Variants in EP300 observed in about 807,000 individuals in gnomAD.
EP300 encodes EP300 lysine acetyltransferase.
EP300 carries 31 observed loss-of-function variants against 264.0 expected under a neutral mutation model. That is an observed-to-expected ratio of 0.12 (90% CI 0.09 to 0.16). EP300 has a LOEUF of 0.16. EP300 is among the 10% of genes least tolerant of loss of function. The probability of loss-of-function intolerance (pLI) is 1.00; values close to 1 mark genes in which losing one functional copy is unlikely to be tolerated. For synonymous variants in EP300, 1,340 were observed against 1,045.4 expected (o/e 1.28, Z -5.44); for missense variants, 2,766 against 3,052.9 (o/e 0.91, Z 2.21).
chr22:41,156,107 G>C (rs1601623965), intron 17 of EP300, among the ~76,000 whole-genome samples: 1 of 152,162 alleles, frequency 6.6e-6, no homozygotes, highest in Admixed American at 6.5e-5. Flanking sequence ...CCCCTCCCGG[G>C]TTCAAGCAGT....
At chr22:41,106,034 T>C (rs1383184984) in intron 1 of EP300, among the ~76,000 whole-genome samples, 1 of 152,268 alleles carries the variant, frequency 6.6e-6, no homozygotes, top group African/African-American at 2.4e-5. Context: ...GAAATGTTTG[T>C]ACATCTTTAT....
chr22:41,158,760 G>T (rs1045912685), intron 19 of EP300: 18 of 467,020 alleles, frequency 3.9e-5, no homozygotes, highest in Admixed American at 1.4e-4. Flanking sequence ...GGCCTAGATG[G>T]GTCTATATCC....
At chr22:41,134,591 C>T (rs1472539733) in intron 6 of EP300, among the ~76,000 whole-genome samples, 1 of 152,178 alleles carries the variant, frequency 6.6e-6, no homozygotes, top group African/African-American at 2.4e-5. Flanking sequence ...GACAGGGTTT[C>T]GCCATGTGGC....
At chr22:41,160,942 T>C (rs997970918) in intron 20 of EP300, among the ~76,000 whole-genome samples, 1 of 152,158 alleles carries the variant, frequency 6.6e-6, no homozygotes, top group African/African-American at 2.4e-5. Flanking sequence ...GGCTACCATA[T>C]TGGTCAACAC....
intron 9 of EP300, among the ~76,000 whole-genome samples, 191 bp downstream of exon 9, chr22:41,140,448 T>A (rs17002308): frequency 1.3e-5 from 2 of 152,146 alleles, no homozygotes; most frequent in Non-Finnish European, 2.9e-5. Flanking sequence ...AAGAATCTTA[T>A]GTTTTTCCTC....
intron 1 of EP300, among the ~76,000 whole-genome samples, chr22:41,110,200 G>A (rs1053229175): frequency 1.5e-5 from 2 of 136,548 alleles, no homozygotes; most frequent in Non-Finnish European, 3.0e-5. Flanking sequence ...GGATCATAGC[G>A]CACTGCAGCC....
rs1199213594 is a variant in EP300, at chr22:41,166,654, T to C, written c.3862T>C (p.Phe1288Leu). 2 of 1,611,608 alleles carry C rather than the reference T, an allele frequency of 1.2e-6. No homozygotes were observed. The highest frequency in any genetic ancestry group is 2.7e-5 in the African/African-American group (2 of 74,878). The change falls in exon 23 of 31, where the codon TTT becomes CTT. Residue 1288 changes from phenylalanine (F) to leucine (L), a missense_variant. By Grantham distance (22) the Phe-to-Leu change is conservative (BLOSUM62 0). Coordinates refer to ENST00000263253, the MANE Select transcript of EP300 (RefSeq NM_001429.4). ...TGCACGAACTAGGAAAGAAAATAAGTTTTCTGCTAAAAGTAAGTTTTATTC... is the reference window on the plus strand; with the variant it reads ...TGCACGAACTAGGAAAGAAAATAAGCTTTCTGCTAAAAGTAAGTTTTATTC... ...KSARTRKENK[F>L]SAKRLPSTRL...
chr22:41,113,192 G>T (rs2058803575), intron 1 of EP300, among the ~76,000 whole-genome samples: 1 of 136,980 alleles, frequency 7.3e-6, no homozygotes, highest in Non-Finnish European at 1.5e-5. Flanking sequence ...ATTTGTTGGA[G>T]AAACTGGGAC....
chr22:41,101,178 T>C (rs2058729789), intron 1 of EP300, among the ~76,000 whole-genome samples: 1 of 151,894 alleles, frequency 6.6e-6, no homozygotes, highest in Non-Finnish European at 1.5e-5. Context: ...GGGTTCAAGC[T>C]ATTCTCCTGC....
chr22:41,147,737 C>CAA (rs766424236), intron 11 of EP300, 100 bp from the exon 12 acceptor site: 964 of 757,422 alleles, frequency 1.3e-3, no homozygotes, highest in South Asian at 1.7e-3. Flanking sequence ...GACTCCGTCT[C>CAA]AAAAAAAAAA....
In EP300 at chr22:41,124,725, A is replaced by G. The variant is rs117390547; in HGVS notation, c.730-1139A>G. ...GATGGCTTATTAAGTTGAATTCGCC[A>G]TGTAGCATCATGTGTGACGTAATGG... On this transcript the variant is annotated intron_variant, in intron 2 of 30. Coordinates refer to ENST00000263253, the MANE Select transcript of EP300 (RefSeq NM_001429.4). Among the ~76,000 whole-genome samples, 75 of 152,346 alleles carry G rather than the reference A, an allele frequency of 4.9e-4. 1 individual carries two copies. The East Asian group carries it at 0.014, about 28-fold the overall frequency.
chr22:41,161,838 C>T (rs1315687981), intron 20 of EP300, among the ~76,000 whole-genome samples: 1 of 152,064 alleles, frequency 6.6e-6, no homozygotes, highest in East Asian at 1.9e-4. Context: ...TTCTAAATTG[C>T]GTTCTAAAGA....
Position 41,134,236 on chromosome 22 carries a change from A to T in EP300, c.1529-1577A>T, listed in dbSNP as rs540977999. Among the ~76,000 whole-genome samples the T allele has an allele frequency of 8.9e-4, 109 of 122,192 alleles. 1 individual carries two copies. Among genetic ancestry groups the T allele is most frequent in the Middle Eastern group, 0.01 (2 of 194 alleles). The allele number at this position is 122,192 out of a possible 152,430, so 80.2% of individuals were successfully genotyped here. ...AAGGAGGATGTTTTTCTTGAGTTTT[A>T]CCTAATCAGGGACTTAGATAAGTTT... On this transcript the variant is annotated intron_variant, in intron 6 of 30. Coordinates refer to ENST00000263253, the MANE Select transcript of EP300 (RefSeq NM_001429.4).
chr22:41,153,845 G>A (rs966438974), intron 16 of EP300, among the ~76,000 whole-genome samples: 6 of 152,000 alleles, frequency 3.9e-5, no homozygotes, highest in African/African-American at 1.5e-4. Context: ...AAGCATCTTC[G>A]TAGTCTGGTT....
In EP300 at chr22:41,179,467, AAT is replaced by A; in HGVS notation, c.*518_*519del. On this transcript the variant is annotated 3_prime_UTR_variant, in exon 31 of 31. Coordinates refer to ENST00000263253, the MANE Select transcript of EP300 (RefSeq NM_001429.4). The stretch of plus-strand genomic sequence containing the variant: ...TTCTATATATATATAAATATATATA[AAT>A]ATATATTAAAATACCAGTTTTTTTT... The A allele has an allele frequency of 6.1e-6, 1 of 163,542 alleles. No individual in the cohort carries two copies. The highest frequency in any genetic ancestry group is 1.2e-4 in the East Asian group (1 of 8,076). The allele number at this position is 163,542 out of a possible 1,614,324, so 10.1% of individuals were successfully genotyped here. A position where few individuals can be genotyped will look rare whatever the true frequency, so the allele number is the denominator to read the frequency against.
rs1186512098 is a variant in EP300, at chr22:41,147,853, C to T, written c.2148C>T (p.Gly716=). ...ITPQSGLNQF[G]QMSMAQPPIV... is the part of the protein sequence containing the mutation. ...TATTCACAGGTTTGAATCAATTTGG[C>T]CAGATGAGCATGGCCCAGCCCCCTA... is the stretch of plus-strand genomic sequence containing the variant. Residue 716 remains glycine (G), a synonymous_variant, in exon 12 of 31, where the codon GGC becomes GGT. Coordinates refer to ENST00000263253, the MANE Select transcript of EP300 (RefSeq NM_001429.4). 2.5e-6 allele frequency: 4 copies of T among 1,613,798 alleles called. No individual in the cohort carries two copies. The highest frequency in any genetic ancestry group is 2.2e-5 in the East Asian group (1 of 44,878).
At chr22:41,105,389 G>T (rs1029846152) in intron 1 of EP300, among the ~76,000 whole-genome samples, 1 of 150,056 alleles carries the variant, frequency 6.7e-6, no homozygotes, top group Non-Finnish European at 1.5e-5. Flanking sequence ...AATGTTTTGG[G>T]TTTTTTTGTT....
intron 1 of EP300, among the ~76,000 whole-genome samples, chr22:41,113,704 G>T (rs577038483): frequency 7.2e-5 from 11 of 152,058 alleles, no homozygotes; most frequent in Admixed American, 2.0e-4. Flanking sequence ...CCGCCACCAC[G>T]CCCTGCTAAT....
intron 14 of EP300, among the ~76,000 whole-genome samples, chr22:41,150,890 A>G (rs1343786126): frequency 3.3e-5 from 4 of 122,796 alleles, no homozygotes; most frequent in South Asian, 2.3e-4. Context: ...AACTCCGTCT[A>G]AAAAAAAAAA....
Sources: gnomAD v4.1 joint callset for allele counts (sites outside exome capture counted in the v4.1 genomes callset) on GRCh38, gnomAD v4.1.1 for gene constraint, MANE v1.5 for transcripts, NCBI Gene and HGNC (gene_info 2026-07-23, HGNC 2026-07-21) for gene names.